Variants in SP100 observed in about 807,000 individuals in gnomAD.
SP100 encodes SP100 nuclear body protein.
A neutral mutation model predicts 130.0 loss-of-function variants in SP100; 84 were observed. The ratio of observed to expected loss-of-function variants is 0.65; its 90% CI spans 0.54 to 0.77. The LOEUF (loss-of-function observed/expected upper bound fraction) is 0.77, where lower values mean the gene tolerates loss of function less well. Ranked by LOEUF, SP100 falls within the 30% of genes least tolerant of loss-of-function variation. SP100 has a pLI of 0.00. For synonymous variants in SP100, 331 were observed against 351.7 expected (o/e 0.94, Z 0.66); for missense variants, 978 against 1,052.2 (o/e 0.93, Z 0.97).
rs773654424 is a variant in SP100, at chr2:230,470,055, A to T, written c.1386A>T (p.Glu462Asp). 6.2e-7 allele frequency: 1 copy of T among 1,612,586 alleles called. No homozygotes were observed. The highest frequency in any genetic ancestry group is 1.1e-5 in the South Asian group (1 of 90,762). Reference protein sequence around the residue: ...SSDFSDLSNGEELQETCSSSL... With the variant: ...SSDFSDLSNGDELQETCSSSL... ...ACTTTTCAGACCTGAGTAATGGAGA[A>T]GAGCTTCAGGAAACCTGCAGCTCAT... Residue 462 changes from glutamate to aspartate, a missense_variant, in exon 15 of 29, where the codon GAA (glutamate) becomes GAT (aspartate). By Grantham distance (45) the Glu-to-Asp change is conservative. Coordinates refer to ENST00000340126, the MANE Select transcript of SP100 (RefSeq NM_001080391.2).
intron 16 of SP100, among the ~76,000 whole-genome samples, 186 bp from the exon 17 acceptor site, chr2:230,474,208 T>A (rs557099864): frequency 6.6e-6 from 1 of 152,226 alleles, no homozygotes; most frequent in Non-Finnish European, 1.5e-5. Flanking sequence ...TGTTTCAAAG[T>A]CTCAGAGAAC....
rs537387849 is a variant in SP100, at chr2:230,465,964, C to A, written c.1142-337C>A. 7.2e-5 allele frequency among the ~76,000 whole-genome samples: 11 copies of A among 152,076 alleles called. No individual in the cohort carries two copies. The East Asian group carries it at 7.7e-4, about 11-fold the overall frequency. On this transcript the variant is annotated intron_variant, in intron 11 of 28. Coordinates refer to ENST00000340126, the MANE Select transcript of SP100 (RefSeq NM_001080391.2). Reference sequence around the variant, plus strand: ...TTTTGGGAGGCTGAGGCAGGTGGATCACCTGAGGTCAGGAGTTCGAGACCA... The same window carrying A: ...TTTTGGGAGGCTGAGGCAGGTGGATAACCTGAGGTCAGGAGTTCGAGACCA...
At chr2:230,539,490 G>C in intron 25 of SP100, 108 bp downstream of exon 25, 1 of 707,570 alleles carries the variant, frequency 1.4e-6, no homozygotes, top group Non-Finnish European at 2.5e-6. Flanking sequence ...TGTGTTTCTT[G>C]ATGCATAAGG....
chr2:230,488,684 ATT>A (rs754467383), intron 17 of SP100, among the ~76,000 whole-genome samples: 8 of 152,216 alleles, frequency 5.3e-5, no homozygotes, highest in Non-Finnish European at 8.8e-5. Context: ...AAGTCCTGGG[ATT>A]ACAGGCGTGA....
At position 230,417,574 on chromosome 2, in the gene SP100, C is replaced by A; in HGVS notation, c.33-17C>A. 2 of 1,608,594 alleles carry A rather than the reference C, an allele frequency of 1.2e-6. No individual in the cohort carries two copies. Among genetic ancestry groups the A allele is most frequent in the Non-Finnish European group, 1.7e-6 (2 of 1,178,138 alleles). On this transcript the variant is annotated splice_polypyrimidine_tract_variant and intron_variant, in intron 1 of 28. Coordinates refer to ENST00000340126, the MANE Select transcript of SP100 (RefSeq NM_001080391.2). The stretch of plus-strand genomic sequence containing the variant: ...GGGTCCAGTTATTTACTTGGTCCTG[C>A]CAAATTGTCTTTCTAGGAGGCTGAA...
intron 24 of SP100, among the ~76,000 whole-genome samples, chr2:230,517,074 T>G (rs1045481252): frequency 1.3e-5 from 2 of 152,170 alleles, no homozygotes; most frequent in African/African-American, 4.8e-5. Flanking sequence ...TGAAGGAAGA[T>G]CTAGTATTAT....
intron 24 of SP100, among the ~76,000 whole-genome samples, chr2:230,531,775 T>C (rs1691715443): frequency 6.6e-6 from 1 of 152,146 alleles, no homozygotes. Flanking sequence ...GTACAAAATG[T>C]ATAGTGGGTG....
At chr2:230,456,724 A>G (rs1051366244) in intron 8 of SP100, among the ~76,000 whole-genome samples, 1 of 151,954 alleles carries the variant, frequency 6.6e-6, no homozygotes, top group African/African-American at 2.4e-5. Context: ...AATTTCATTC[A>G]TTGTATTTTT....
At chr2:230,492,740 T>G (rs2066456600) in intron 17 of SP100, among the ~76,000 whole-genome samples, 1 of 152,260 alleles carries the variant, frequency 6.6e-6, no homozygotes, top group Non-Finnish European at 1.5e-5. Flanking sequence ...CTTAGTTTGC[T>G]GAAGTATATC....
intron 21 of SP100, among the ~76,000 whole-genome samples, chr2:230,504,869 A>G (rs1258561719): frequency 6.6e-6 from 1 of 152,212 alleles, no homozygotes; most frequent in Non-Finnish European, 1.5e-5. Flanking sequence ...CCCAGATTAC[A>G]CAACATTTTA....
chr2:230,514,764 G>A (rs1362522942), intron 24 of SP100, among the ~76,000 whole-genome samples: 3 of 152,164 alleles, frequency 2.0e-5, no homozygotes, highest in African/African-American at 7.2e-5. Context: ...GCTTCTTCAG[G>A]CTAGAAAGCC....
intron 17 of SP100, among the ~76,000 whole-genome samples, chr2:230,481,556 C>T (rs1051130051): frequency 3.3e-5 from 5 of 152,204 alleles, no homozygotes; most frequent in African/African-American, 7.2e-5. Flanking sequence ...TGTGGAATAC[C>T]GCAGAGTCCT....
rs56009782 is a variant in SP100 at position 230,544,709 on chromosome 2, G to A, written c.*1763G>A. Among the ~76,000 whole-genome samples the A allele has an allele frequency of 0.046, 6,932 of 152,212 alleles. 178 individuals are homozygous for A. The highest frequency in any genetic ancestry group is 0.095 in the Middle Eastern group (28 of 294). ...TTGGTCAGGCTGGTCTTGAACTCCC[G>A]ACCTCAGGTGATCCACCCACCTCGG... On this transcript the variant is annotated 3_prime_UTR_variant, in exon 29 of 29. Coordinates refer to ENST00000340126, the MANE Select transcript of SP100 (RefSeq NM_001080391.2).
Position 230,461,426 on chromosome 2 carries a change from TG to T in SP100, c.973+15del. The T allele has an allele frequency of 6.2e-7, 1 of 1,613,662 alleles. No individual in the cohort carries two copies. The highest frequency in any genetic ancestry group is 1.3e-5 in the African/African-American group (1 of 74,964). ...ATCTGACATAATAGGTAAGGCTGAC[TG>T]GGAGAGTTTGTAACTGTGAGTCACA... On this transcript the variant is annotated intron_variant, in intron 9 of 28. Coordinates refer to ENST00000340126, the MANE Select transcript of SP100 (RefSeq NM_001080391.2).
intron 21 of SP100, among the ~76,000 whole-genome samples, chr2:230,505,212 T>C (rs1452122338): frequency 6.6e-6 from 1 of 152,126 alleles, no homozygotes; most frequent in African/African-American, 2.4e-5. Flanking sequence ...TTTTCACACT[T>C]TCAAAATTCA....
chr2:230,497,742 T>C (rs1256226607), intron 18 of SP100, among the ~76,000 whole-genome samples: 1 of 152,200 alleles, frequency 6.6e-6, no homozygotes, highest in Non-Finnish European at 1.5e-5. Context: ...ATCAACCCTT[T>C]GTTAGTCCTA....
In SP100 at chr2:230,521,682, TG is replaced by T. The variant is rs59270973; in HGVS notation, c.2094+10518del. Among the ~76,000 whole-genome samples the T allele has an allele frequency of 4.5e-3, 683 of 152,314 alleles. 3 individuals carry two copies. The highest frequency in any genetic ancestry group is 0.016 in the African/African-American group (664 of 41,566). On this transcript the variant is annotated intron_variant, in intron 24 of 28. Coordinates refer to ENST00000340126, the MANE Select transcript of SP100 (RefSeq NM_001080391.2). ...ATCAGGGTGTTTCAACAACAGATTT[TG>T]GTTTCCTGACAGTAAACATGTTGCT...
At chr2:230,541,202 A>G (rs1692159933) in intron 26 of SP100, 99 bp from the exon 27 acceptor site, 5 of 1,265,302 alleles carry the variant, frequency 4.0e-6, no homozygotes, top group Non-Finnish European at 5.6e-6. Context: ...TGTTTCAAAG[A>G]GTCCACAGGT....
rs903099700 is a variant in SP100 at position 230,446,810 on chromosome 2, A to T, written c.440-9A>T. 6.4e-7 allele frequency: 1 copy of T among 1,570,216 alleles called. No homozygotes were observed. Among genetic ancestry groups the T allele is most frequent in the Non-Finnish European group, 8.8e-7 (1 of 1,141,480 alleles). On this transcript the variant is annotated splice_polypyrimidine_tract_variant and intron_variant, in intron 4 of 28. Transcript: ENST00000340126. Reference sequence around the variant, plus strand: ...TCTCTAATTGCTTCTTCTCTCTCCCACTCTTCAGTAATCCATGACAAATTG... The same window carrying T: ...TCTCTAATTGCTTCTTCTCTCTCCCTCTCTTCAGTAATCCATGACAAATTG...
Sources: gnomAD v4.1 joint callset for allele counts (sites outside exome capture counted in the v4.1 genomes callset) on GRCh38, gnomAD v4.1.1 for gene constraint, MANE v1.5 for transcripts, NCBI Gene and HGNC (gene_info 2026-07-23, HGNC 2026-07-21) for gene names.